Variants in TNPO1 observed in about 807,000 individuals in gnomAD.
The protein encoded by TNPO1 is transportin 1, also known as transportin-1.
A neutral mutation model predicts 119.5 loss-of-function variants in TNPO1; 8 were observed. The observed-to-expected ratio is 0.07, with a 90% CI of 0.04 to 0.12. TNPO1 has a LOEUF of 0.12. TNPO1 is among the 10% of genes least tolerant of loss of function. TNPO1 has a pLI of 1.00. For synonymous variants in TNPO1, 362 were observed against 363.0 expected (o/e 1.00, Z 0.03); for missense variants, 576 against 1,089.8 (o/e 0.53, Z 6.64).
At chr5:72,874,619 G>A (rs569259218) in intron 7 of TNPO1, among the ~76,000 whole-genome samples, 2 of 152,262 alleles carry the variant, frequency 1.3e-5, no homozygotes, top group Admixed American at 6.5e-5. Context: ...TGTCAAATGT[G>A]GAAGCAGGAC....
At chr5:72,849,862 C>T (rs1447922951) in intron 2 of TNPO1, among the ~76,000 whole-genome samples, 1 of 152,170 alleles carries the variant, frequency 6.6e-6, no homozygotes, top group Admixed American at 6.5e-5. Context: ...TTATATGATA[C>T]AGTTACTAGT....
At chr5:72,888,662 A>G (rs1245421264) in intron 13 of TNPO1, among the ~76,000 whole-genome samples, 1 of 152,194 alleles carries the variant, frequency 6.6e-6, no homozygotes, top group African/African-American at 2.4e-5. Context: ...CTTACACCCT[A>G]ATTCCCTCAG....
intron 1 of TNPO1, among the ~76,000 whole-genome samples, chr5:72,841,649 C>T (rs1342361233): frequency 1.3e-5 from 2 of 152,138 alleles, no homozygotes; most frequent in African/African-American, 4.8e-5. Flanking sequence ...TATAGACTTT[C>T]TTAAAGGACT....
At chr5:72,874,448 A>G (rs1004558849) in intron 7 of TNPO1, among the ~76,000 whole-genome samples, 29 of 152,202 alleles carry the variant, frequency 1.9e-4, no homozygotes, top group African/African-American at 6.5e-4. Flanking sequence ...GGCATTGGGT[A>G]TCCCCACCCC....
chr5:72,825,575 T>C (rs183858724), intron 1 of TNPO1, among the ~76,000 whole-genome samples: 2 of 152,236 alleles, frequency 1.3e-5, no homozygotes, highest in African/African-American at 4.8e-5. Context: ...TAGTCCCAGC[T>C]ACTCGGGAGG....
chr5:72,841,776 A>T (rs1580378327), intron 1 of TNPO1, among the ~76,000 whole-genome samples: 1 of 151,960 alleles, frequency 6.6e-6, no homozygotes, highest in Non-Finnish European at 1.5e-5. Flanking sequence ...TCAATTTCTC[A>T]TGAAAGTTTT....
intron 9 of TNPO1, among the ~76,000 whole-genome samples, chr5:72,879,915 C>T (rs1173489003): frequency 2.0e-5 from 3 of 152,200 alleles, no homozygotes; most frequent in Non-Finnish European, 4.4e-5. Flanking sequence ...AGGCTGGGCA[C>T]AGTGACTCAT....
At chr5:72,855,647 T>A in intron 3 of TNPO1, 127 bp from the exon 4 acceptor site, 1 of 761,784 alleles carries the variant, frequency 1.3e-6, no homozygotes, top group Non-Finnish European at 2.1e-6. Flanking sequence ...CAGTTATAAT[T>A]ATTTTAACTG....
rs1354564817 is a variant in TNPO1, at chr5:72,897,157, A to T, written c.2338+6A>T. 1 of 1,585,428 alleles carries T rather than the reference A, an allele frequency of 6.3e-7. No individual in the cohort carries two copies. Among genetic ancestry groups the T allele is most frequent in the African/African-American group, 1.4e-5 (1 of 73,744 alleles). On this transcript the variant is annotated splice_donor_region_variant and intron_variant, in intron 20 of 24. Coordinates refer to ENST00000337273, the MANE Select transcript of TNPO1 (RefSeq NM_002270.4). ...GACGTTGTTAGAGAATACAGGTACC[A>T]TATGACTGAACTGTTTCAGTGAAGA...
chr5:72,872,657 T>C lies in TNPO1; in HGVS notation c.615T>C (p.Cys205=), dbSNP rs746438432. ...TTTCTAGGTCTCACGCTGTTGCATG[T>C]GTCAATCAGTTTATCATCAGTAGGA... ...SPKIRSHAVA[C]VNQFIISRTQ... Residue 205 remains cysteine, a synonymous_variant, in exon 7 of 25, where the codon TGT becomes TGC. Transcript: ENST00000337273. 10 of 1,611,294 alleles carry C rather than the reference T, an allele frequency of 6.2e-6. No homozygotes were observed. The South Asian group carries it at 1.1e-4, about 18-fold the overall frequency.
intron 1 of TNPO1, among the ~76,000 whole-genome samples, chr5:72,824,153 C>T (rs188915459): frequency 1.1e-4 from 16 of 152,234 alleles, no homozygotes; most frequent in Non-Finnish European, 2.2e-4. Context: ...TGTACTAGGC[C>T]CCATTCTCTC....
At chr5:72,883,029 A>G (rs766659875) in intron 10 of TNPO1, 35 bp from the exon 11 acceptor site, 15 of 1,515,740 alleles carry the variant, frequency 9.9e-6, no homozygotes, top group Admixed American at 1.7e-5. Context: ...GCCTATAATG[A>G]ATGCCACCAA....
At chr5:72,861,249 T>C (rs1746424093) in intron 4 of TNPO1, among the ~76,000 whole-genome samples, 1 of 150,014 alleles carries the variant, frequency 6.7e-6, no homozygotes, top group African/African-American at 2.5e-5. Context: ...ATTCTTGGTA[T>C]TATGGCAGAA....
At chr5:72,877,090 A>G (rs1044169859) in intron 8 of TNPO1, 138 bp from the exon 9 acceptor site, 24 of 377,814 alleles carry the variant, frequency 6.4e-5, no homozygotes, top group Non-Finnish European at 9.1e-5. Context: ...GTGAGACTGC[A>G]TCTCAAAAAA....
chr5:72,897,634 ATT>A (rs3839242), intron 20 of TNPO1, among the ~76,000 whole-genome samples: 14 of 140,148 alleles, frequency 1.0e-4, no homozygotes, highest in African/African-American at 2.4e-4. Context: ...TTTTTAATTT[ATT>A]TTTTTTTTTT....
chr5:72,908,474 C>A (rs1277446591), intron 24 of TNPO1, among the ~76,000 whole-genome samples: 3 of 152,152 alleles, frequency 2.0e-5, no homozygotes, highest in African/African-American at 7.2e-5. Flanking sequence ...CTATACAACT[C>A]TCCTACCCAG....
At chr5:72,877,831 AGTAATCACTG>A (rs1396609949) in intron 9 of TNPO1, among the ~76,000 whole-genome samples, 8 of 152,164 alleles carry the variant, frequency 5.3e-5, no homozygotes, top group Non-Finnish European at 1.0e-4. Context: ...CACCACCCTG[AGTAATCACTG>A]GTAGTATTTT....
At chr5:72,866,288 A>G (rs1416443815) in intron 6 of TNPO1, among the ~76,000 whole-genome samples, 1 of 152,240 alleles carries the variant, frequency 6.6e-6, no homozygotes, top group East Asian at 1.9e-4. Flanking sequence ...AAGTGAGAAC[A>G]TGCAGGTATT....
At chr5:72,823,627 T>G (rs1399454179) in intron 1 of TNPO1, among the ~76,000 whole-genome samples, 3 of 152,224 alleles carry the variant, frequency 2.0e-5, no homozygotes, top group Admixed American at 6.5e-5. Flanking sequence ...TTTCACTCCC[T>G]TTTATGTGGA....
Sources: allele counts gnomAD v4.1 joint callset (sites outside exome capture counted in the v4.1 genomes callset), GRCh38; gene constraint gnomAD v4.1.1; transcripts MANE v1.5; gene names NCBI Gene and HGNC (gene_info 2026-07-23, HGNC 2026-07-21).